The following FHOD3 variants were observed in gnomAD, a reference collection of about 807,000 sequenced individuals.
The protein encoded by FHOD3 is formin homology 2 domain containing 3, also known as FH1/FH2 domain-containing protein 3.
A neutral mutation model predicts 173.0 loss-of-function variants in FHOD3; 90 were observed. The ratio of observed to expected loss-of-function variants is 0.52; its 90% CI spans 0.44 to 0.62. FHOD3 has a LOEUF of 0.62. FHOD3 is among the 20% of genes least tolerant of loss of function. FHOD3 has a pLI of 0.00. For missense variants in FHOD3, 1,945 were observed against 2,034.7 expected, an observed-to-expected ratio of 0.96 and a Z score of 0.85; for synonymous variants, 828 against 823.0, an observed-to-expected ratio of 1.01 and a Z score of -0.10.
intron 21 of FHOD3, among the ~76,000 whole-genome samples, chr18:36,742,371 TG>T (rs1431355329): frequency 2.4e-4 from 36 of 152,046 alleles, no homozygotes; most frequent in Middle Eastern, 3.2e-3. Context: ...CCAATCTGCC[TG>T]GAAGGACAAA....
intron 3 of FHOD3, among the ~76,000 whole-genome samples, chr18:36,396,426 T>A (rs979015131): frequency 3.9e-5 from 6 of 152,210 alleles, no homozygotes; most frequent in Non-Finnish European, 7.3e-5. Context: ...ACTTTTGTCA[T>A]TTCTTTTTGA....
At chr18:36,717,713 C>T in intron 18 of FHOD3, 119 bp from the exon 19 acceptor site, 7 of 1,453,404 alleles carry the variant, frequency 4.8e-6, no homozygotes, top group South Asian at 1.6e-5. Context: ...TTTGACTGCT[C>T]ATGCAGTGTC....
chr18:36,382,855 A>AT (rs1391749934), intron 3 of FHOD3, among the ~76,000 whole-genome samples: 1 of 152,126 alleles, frequency 6.6e-6, no homozygotes, highest in Non-Finnish European at 1.5e-5. Flanking sequence ...TACTGACCAT[A>AT]TGTTTCATTT....
intron 1 of FHOD3, among the ~76,000 whole-genome samples, chr18:36,339,616 C>T (rs1260337447): frequency 6.6e-6 from 1 of 152,192 alleles, no homozygotes; most frequent in Non-Finnish European, 1.5e-5. Flanking sequence ...ACTCCTCACC[C>T]CGCCCAGGGA....
chr18:36,330,460 C>T (rs2044929807), intron 1 of FHOD3, among the ~76,000 whole-genome samples: 1 of 152,170 alleles, frequency 6.6e-6, no homozygotes, highest in African/African-American at 2.4e-5. Context: ...GAGAGACTTG[C>T]CTTGTTACTT....
chr18:36,352,523 C>G (rs1477526401), intron 1 of FHOD3, among the ~76,000 whole-genome samples: 1 of 152,176 alleles, frequency 6.6e-6, no homozygotes, highest in African/African-American at 2.4e-5. Flanking sequence ...TTGAAACAGG[C>G]TCTGGTGGGA....
chr18:36,632,071 G>T (rs1161818762), intron 10 of FHOD3, among the ~76,000 whole-genome samples: 1 of 152,168 alleles, frequency 6.6e-6, no homozygotes, highest in Non-Finnish European at 1.5e-5. Flanking sequence ...ACGTTTGTGA[G>T]CATTAGCACT....
At chr18:36,334,978 CT>C (rs922060108) in intron 1 of FHOD3, among the ~76,000 whole-genome samples, 7 of 152,188 alleles carry the variant, frequency 4.6e-5, no homozygotes, top group African/African-American at 1.7e-4. Flanking sequence ...CTGTGTGCCC[CT>C]TTCTTTTAGC....
chr18:36,570,506 A>C (rs1013364895), intron 5 of FHOD3, among the ~76,000 whole-genome samples: 3 of 152,156 alleles, frequency 2.0e-5, no homozygotes. Flanking sequence ...AATCTCTTCC[A>C]GAAAACAGAA....
chr18:36,631,207 C>T (rs777183552), intron 10 of FHOD3, among the ~76,000 whole-genome samples: 4 of 152,096 alleles, frequency 2.6e-5, no homozygotes, highest in Admixed American at 6.5e-5. Context: ...AACAGACTAC[C>T]GCTCCTAAGG....
At chr18:36,502,048 A>G in intron 4 of FHOD3, 49 bp downstream of exon 4, 1 of 1,282,786 alleles carries the variant, frequency 7.8e-7, no homozygotes, top group Non-Finnish European at 1.1e-6. Context: ...TTGCTGTGAA[A>G]TTAGATACAG....
intron 19 of FHOD3, among the ~76,000 whole-genome samples, chr18:36,720,607 G>C (rs546414480): frequency 9.2e-5 from 14 of 152,090 alleles, no homozygotes; most frequent in Admixed American, 2.0e-4. Context: ...ACAGCAGTCT[G>C]TGGTTGCTAG....
chr18:36,399,192 T>C (rs944035195), intron 3 of FHOD3, among the ~76,000 whole-genome samples: 1 of 152,142 alleles, frequency 6.6e-6, no homozygotes, highest in African/African-American at 2.4e-5. Context: ...AAGGTGTAGC[T>C]CAGGTGCTTC....
intron 5 of FHOD3, among the ~76,000 whole-genome samples, chr18:36,574,356 G>A (rs959706848): frequency 3.3e-5 from 5 of 152,058 alleles, no homozygotes; most frequent in African/African-American, 4.8e-5. Flanking sequence ...TTTTATTATA[G>A]TGAGAGTGAA....
chr18:36,506,628 T>C (rs2055314588), intron 4 of FHOD3, among the ~76,000 whole-genome samples: 1 of 152,224 alleles, frequency 6.6e-6, no homozygotes, highest in Admixed American at 6.5e-5. Context: ...CAATGGCAAA[T>C]TGAAATAGCT....
intron 8 of FHOD3, among the ~76,000 whole-genome samples, chr18:36,608,294 G>A (rs1393227025): frequency 6.6e-6 from 1 of 152,204 alleles, no homozygotes; most frequent in Non-Finnish European, 1.5e-5. Flanking sequence ...CTTCTTTTCT[G>A]TGCTATCCCG....
chr18:36,685,832 A>G (rs1176496843), intron 15 of FHOD3, among the ~76,000 whole-genome samples: 1 of 152,248 alleles, frequency 6.6e-6, no homozygotes, highest in Non-Finnish European at 1.5e-5. Context: ...CTTAGATTCA[A>G]TTTGGAACCT....
At chr18:36,714,606 C>T (rs2040350304) in intron 18 of FHOD3, among the ~76,000 whole-genome samples, 1 of 152,138 alleles carries the variant, frequency 6.6e-6, no homozygotes, top group African/African-American at 2.4e-5. Context: ...TCACATTTCC[C>T]AATAAATGGA....
At chr18:36,385,181 A>G (rs1420031201) in intron 3 of FHOD3, among the ~76,000 whole-genome samples, 1 of 152,158 alleles carries the variant, frequency 6.6e-6, no homozygotes, top group Non-Finnish European at 1.5e-5. Flanking sequence ...AAACCAAGTA[A>G]CGCCCAATTA....
Sources: allele counts gnomAD v4.1 joint callset (sites outside exome capture counted in the v4.1 genomes callset), GRCh38; gene constraint gnomAD v4.1.1; transcripts MANE v1.5; gene names NCBI Gene and HGNC (gene_info 2026-07-23, HGNC 2026-07-21).